The following ZHX3 variants were observed in gnomAD, a reference collection of about 807,000 sequenced individuals.
ZHX3 encodes zinc fingers and homeoboxes protein 3.
ZHX3 carries 20 observed loss-of-function variants against 64.5 expected under a neutral mutation model. The ratio of observed to expected loss-of-function variants is 0.31; its 90% CI spans 0.22 to 0.45. ZHX3 has a LOEUF of 0.45. Ranked by LOEUF, ZHX3 falls within the 20% of genes least tolerant of loss-of-function variation. The pLI is 1.00. For synonymous variants in ZHX3, 423 were observed against 461.6 expected, an observed-to-expected ratio of 0.92 and a Z score of 1.07; for missense variants, 1,041 against 1,195.8, an observed-to-expected ratio of 0.87 and a Z score of 1.91.
chr20:41,267,707 A>G (rs1249894762), intron 2 of ZHX3: 4 of 152,274 alleles, frequency 2.6e-5, no homozygotes, highest in Non-Finnish European at 5.9e-5. Context: ...TTGAAAGTTT[A>G]ACTTTGGAGC....
chr20:41,204,011 G>A lies in ZHX3; in HGVS notation c.906C>T (p.Pro302=). ...TAKALPKVMI[P]LSSIPTYNAA... is the part of the protein sequence containing the mutation. The stretch of plus-strand genomic sequence containing the variant: ...CATTGTACGTTGGAATGCTGCTCAG[G>A]GGGATCATCACTTTGGGAAGGGCCT... Residue 302 remains proline, a synonymous_variant, in exon 3 of 4, where the codon CCC becomes CCT. Coordinates refer to ENST00000683867, the MANE Select transcript of ZHX3 (RefSeq NM_001384317.1). This position sits in a 1 kb window ranked among gnomAD's most constrained non-coding sequence, Gnocchi z 6.6. The A allele has an allele frequency of 1.2e-6, 2 of 1,614,276 alleles. No individual in the cohort carries two copies. The highest frequency in any genetic ancestry group is 1.7e-6 in the Non-Finnish European group (2 of 1,180,048).
At chr20:41,249,639 T>C (rs1384107748) in intron 2 of ZHX3, among the ~76,000 whole-genome samples, 1 of 152,176 alleles carries the variant, frequency 6.6e-6, no homozygotes, top group Non-Finnish European at 1.5e-5. Context: ...CAAAGTCTAA[T>C]CTACTCACCA....
chr20:41,295,605 G>T (rs199899525), intron 1 of ZHX3, among the ~76,000 whole-genome samples: 1 of 152,092 alleles, frequency 6.6e-6, no homozygotes, highest in Non-Finnish European at 1.5e-5. Flanking sequence ...GGTGGCTCAC[G>T]CCTGTAATCC....
chr20:41,245,012 C>T (rs969564262), intron 2 of ZHX3, among the ~76,000 whole-genome samples: 4 of 152,024 alleles, frequency 2.6e-5, no homozygotes, highest in Admixed American at 6.5e-5. Flanking sequence ...ACAGTGTTCA[C>T]AAAAAGGACC....
Position 41,201,415 on chromosome 20 carries a change from G to T in ZHX3, c.2860+642C>A. 1 of 1,281,926 alleles carries T rather than the reference G, an allele frequency of 7.8e-7. No homozygotes were observed. The highest frequency in any genetic ancestry group is 1.0e-6 in the Non-Finnish European group (1 of 968,940). The allele number at this position is 1,281,926 out of a possible 1,614,324, so 79.4% of individuals were successfully genotyped here. ...AAATCAACACGTAATAACATGACTTGTCTGTGGCTTCAAAACTATGTCTTA... is the reference window on the plus strand; with the variant it reads ...AAATCAACACGTAATAACATGACTTTTCTGTGGCTTCAAAACTATGTCTTA... On this transcript the variant is annotated intron_variant, in intron 3 of 3. Transcript: ENST00000683867. The surrounding 1 kb of genome is among the most constrained non-coding windows in gnomAD (Gnocchi z 5.0).
rs142717627 is a variant in ZHX3, at chr20:41,188,914, G to A, written c.2861-3713C>T. On this transcript the variant is annotated intron_variant, in intron 3 of 3. Transcript: ENST00000683867. ...TTTTTGAGGTCTTAGCCATAAAATC[G>A]TTGCTCAGACCAATGTCCTGAAGTG... 2.2e-3 allele frequency among the ~76,000 whole-genome samples: 339 copies of A among 152,190 alleles called. 4 individuals carry two copies. Among genetic ancestry groups the A allele is most frequent in the African/African-American group, 7.8e-3 (324 of 41,540 alleles).
At chr20:41,233,180 T>C (rs1225904039) in intron 2 of ZHX3, among the ~76,000 whole-genome samples, 1 of 152,244 alleles carries the variant, frequency 6.6e-6, no homozygotes, top group Non-Finnish European at 1.5e-5. Context: ...TGAGACATGA[T>C]AACATCTGCC....
intron 2 of ZHX3, among the ~76,000 whole-genome samples, chr20:41,243,785 G>C (rs781027059): frequency 2.6e-5 from 4 of 152,192 alleles, no homozygotes; most frequent in Non-Finnish European, 5.9e-5. Flanking sequence ...GGGGCTATTA[G>C]AAGGCAAATG....
Position 41,195,683 on chromosome 20 carries a change from G to A in ZHX3, c.2860+6374C>T, listed in dbSNP as rs945498818. Among the ~76,000 whole-genome samples, 1 of 152,134 alleles carries A rather than the reference G, an allele frequency of 6.6e-6. No homozygotes were observed. Among genetic ancestry groups the A allele is most frequent in the Non-Finnish European group, 1.5e-5 (1 of 68,024 alleles). ...CACCCACCTTAGCCTCCCAAAGTGT[G>A]GGGATTACAGGCATAAGCCACTGCG... is the stretch of plus-strand genomic sequence containing the variant. On this transcript the variant is annotated intron_variant, in intron 3 of 3. Coordinates refer to ENST00000683867, the MANE Select transcript of ZHX3 (RefSeq NM_001384317.1). This position sits in a 1 kb window ranked among gnomAD's most constrained non-coding sequence, Gnocchi z 4.2.
intron 1 of ZHX3, among the ~76,000 whole-genome samples, chr20:41,295,559 C>T (rs2044467336): frequency 6.6e-6 from 1 of 152,084 alleles, no homozygotes; most frequent in Non-Finnish European, 1.5e-5. Context: ...CTGTACAATA[C>T]TTTTATAATA....
Position 41,203,548 on chromosome 20 carries a change from C to A in ZHX3, c.1369G>T (p.Ala457Ser), listed in dbSNP as rs1402769953. ...TTTGAACACACAGTGTTAATGGGTG[C>A]CACACCTGGCTGCTTGGGGACGGAT... is the stretch of plus-strand genomic sequence containing the variant. The part of the protein sequence containing the change: ...VTSVPKQPGV[A>S]PINTVCSNTT... Residue 457 changes from alanine to serine, a missense_variant, in exon 3 of 4, where the codon GCA becomes TCA. Ala to Ser is a moderately conservative substitution (Grantham distance 99). Transcript: ENST00000683867. The surrounding 1 kb of genome is among the most constrained non-coding windows in gnomAD (Gnocchi z 7.1). The A allele has an allele frequency of 8.7e-6, 14 of 1,614,150 alleles. No homozygotes were observed. Among genetic ancestry groups the A allele is most frequent in the Non-Finnish European group, 7.6e-6 (9 of 1,180,004 alleles).
chr20:41,181,272 A>G lies in ZHX3; in HGVS notation c.*3919T>C, dbSNP rs1466016658. ...CTAGAGGATTTTTCTTCTCCAGCAT[A>G]TAACTACCTTGAGAATGGATGTGAT... On this transcript the variant is annotated 3_prime_UTR_variant, in exon 4 of 4. Coordinates refer to ENST00000683867, the MANE Select transcript of ZHX3 (RefSeq NM_001384317.1). The G allele has an allele frequency of 4.6e-5, 7 of 152,186 alleles. No individual in the cohort carries two copies. The highest frequency in any genetic ancestry group is 2.6e-4 in the Admixed American group (4 of 15,276). 9.4% of individuals were successfully genotyped at this position (152,186 alleles called of 1,614,324 possible). A position where few individuals can be genotyped will look rare whatever the true frequency, so the allele number is the denominator to read the frequency against.
intron 2 of ZHX3, among the ~76,000 whole-genome samples, chr20:41,266,913 C>T (rs1403840435): frequency 7.3e-6 from 1 of 136,196 alleles, no homozygotes; most frequent in Non-Finnish European, 1.5e-5. Context: ...AGTGCCGTCT[C>T]GGCTCACTGC....
intron 1 of ZHX3, among the ~76,000 whole-genome samples, chr20:41,293,712 T>C (rs1188397449): frequency 6.6e-6 from 1 of 152,144 alleles, no homozygotes; most frequent in Non-Finnish European, 1.5e-5. Context: ...GGAAATTCTA[T>C]CGAAAAGAAT....
rs528566947 is a variant in ZHX3, at chr20:41,212,598, G to T, written c.-150-7532C>A. 1.3e-5 allele frequency among the ~76,000 whole-genome samples: 2 copies of T among 152,206 alleles called. No homozygotes were observed. Among genetic ancestry groups the T allele is most frequent in the South Asian group, 4.1e-4 (2 of 4,826 alleles). ...GGATCACCAGAGGTCAGGAGTTCAA[G>T]ATCAGCCTGACCAACATGGAGAAAC... On this transcript the variant is annotated intron_variant, in intron 2 of 3. Coordinates refer to ENST00000683867, the MANE Select transcript of ZHX3 (RefSeq NM_001384317.1). The surrounding 1 kb of genome is among the most constrained non-coding windows in gnomAD (Gnocchi z 4.3).
At position 41,212,826 on chromosome 20, in the gene ZHX3, A is replaced by G. The variant is rs1257971575; in HGVS notation, c.-150-7760T>C. 6.6e-6 allele frequency among the ~76,000 whole-genome samples: 1 copy of G among 151,818 alleles called. No individual in the cohort carries two copies. The highest frequency in any genetic ancestry group is 6.6e-5 in the Admixed American group (1 of 15,222). On this transcript the variant is annotated intron_variant, in intron 2 of 3. Transcript: ENST00000683867. This position sits in a 1 kb window ranked among gnomAD's most constrained non-coding sequence, Gnocchi z 4.3. ...AAAAAAAAACCAAAAACAAAACAAA[A>G]CAAAAAAAACAAAACACCAGCAATT...
chr20:41,234,921 G>A (rs923765401), intron 2 of ZHX3, among the ~76,000 whole-genome samples: 1 of 152,228 alleles, frequency 6.6e-6, no homozygotes, highest in Non-Finnish European at 1.5e-5. Flanking sequence ...CTTTGGTTTT[G>A]TTTTGAACAA....
At chr20:41,221,616 A>G (rs1333440540) in intron 2 of ZHX3, among the ~76,000 whole-genome samples, 1 of 152,244 alleles carries the variant, frequency 6.6e-6, no homozygotes, top group Non-Finnish European at 1.5e-5. Flanking sequence ...TGTCAGAGCA[A>G]AAAGTGGAAG....
At chr20:41,207,159 A>G (rs992866779) in intron 2 of ZHX3, among the ~76,000 whole-genome samples, 6 of 152,228 alleles carry the variant, frequency 3.9e-5, no homozygotes, top group Non-Finnish European at 7.3e-5. Flanking sequence ...AGCACTAAAC[A>G]TGGAAAGGAA....
Sources: allele counts gnomAD v4.1 joint callset (sites outside exome capture counted in the v4.1 genomes callset), GRCh38; gene constraint gnomAD v4.1.1; non-coding constraint Gnocchi (gnomAD v3.1); transcripts MANE v1.5; gene names NCBI Gene and HGNC (gene_info 2026-07-23, HGNC 2026-07-21).